IFNGR1: variants seen among roughly 807,000 people sequenced by gnomAD.
IFNGR1 encodes AVP, type 2.
In IFNGR1, 23 loss-of-function variants were observed where a neutral mutation model predicts 35.4. The observed-to-expected ratio is 0.65, with a 90% CI of 0.47 to 0.92. IFNGR1 has a LOEUF of 0.92. IFNGR1 is among the 40% of genes least tolerant of loss of function. IFNGR1 has a pLI of 0.00. For synonymous variants in IFNGR1, 199 were observed against 209.5 expected (o/e 0.95, Z 0.43); for missense variants, 533 against 583.4 (o/e 0.91, Z 0.89).
chr6:137,204,604 T>C, intron 3 of IFNGR1, 100 bp from the exon 4 acceptor site: 1 of 979,350 alleles, frequency 1.0e-6, no homozygotes, highest in Non-Finnish European at 1.6e-6. Flanking sequence ...CTATTGTTTT[T>C]GTTCTGGTTG....
chr6:137,204,061 A>T (rs1311705933), intron 4 of IFNGR1, among the ~76,000 whole-genome samples: 1 of 152,158 alleles, frequency 6.6e-6, no homozygotes, highest in Non-Finnish European at 1.5e-5. Context: ...TTACCAGTGG[A>T]GCAATGGAGG....
chr6:137,208,749 C>A (rs1462569713), intron 1 of IFNGR1, among the ~76,000 whole-genome samples: 1 of 152,232 alleles, frequency 6.6e-6, no homozygotes, highest in African/African-American at 2.4e-5. Context: ...TCATGGAGAA[C>A]CTCTGCTAGG....
At chr6:137,206,008 C>T (rs1002384266) in intron 3 of IFNGR1, 128 bp downstream of exon 3, 9 of 805,524 alleles carry the variant, frequency 1.1e-5, no homozygotes, top group Admixed American at 2.1e-5. Context: ...TGTACTGACT[C>T]TAAATTCCTC....
rs192200021 is a variant in IFNGR1, at chr6:137,203,874, T to C, written c.547-189A>G. On this transcript the variant is annotated intron_variant, in intron 4 of 6. Transcript: ENST00000367739. ...ACACAGCACGATACTATGCATCTGT[T>C]ATATTCCTTATAAAAATGGTAAATT... 8 of 605,782 alleles carry C rather than the reference T, an allele frequency of 1.3e-5. No homozygotes were observed. The Admixed American group carries it at 2.4e-4, about 18-fold the overall frequency. 37.5% of individuals were successfully genotyped at this position (605,782 alleles called of 1,614,324 possible). A position where few individuals can be genotyped will look rare whatever the true frequency, so the allele number is the denominator to read the frequency against.
intron 1 of IFNGR1, among the ~76,000 whole-genome samples, chr6:137,211,935 G>A (rs746501641): frequency 1.1e-4 from 16 of 152,100 alleles, no homozygotes; most frequent in Non-Finnish European, 1.5e-4. Context: ...GCCTTCCTTC[G>A]GAGACCATTT....
At chr6:137,219,037 G>T (rs1415485221) in intron 1 of IFNGR1, 1 of 613,948 alleles carries the variant, frequency 1.6e-6, no homozygotes, top group East Asian at 2.8e-5. Context: ...CAGGGAAGAG[G>T]CAGGAGAAAG....
chr6:137,217,466 C>T (rs948546894), intron 1 of IFNGR1, among the ~76,000 whole-genome samples: 2 of 152,196 alleles, frequency 1.3e-5, no homozygotes, highest in African/African-American at 4.8e-5. Flanking sequence ...CCTTCCCATG[C>T]AAGCTGGCAC....
At position 137,200,911 on chromosome 6, in the gene IFNGR1, C is replaced by A. The variant is rs775390708; in HGVS notation, c.831G>T (p.Lys277Asn). The change falls in exon 6 of 7, where the codon AAG becomes AAT. Residue 277 changes from lysine (K) to asparagine (N), a missense_variant. Physicochemically the swap from Lys to Asn is moderately conservative, Grantham distance 94. Transcript: ENST00000367739. ...CFYIKKINPL[K>N]EKSIILPKSL... The stretch of plus-strand genomic sequence containing the variant: ...ACTTGGGTAATATTATGCTTTTTTC[C>A]TTCAATGGATTAATTTTCTTAATAT... 1 of 1,602,800 alleles carries A rather than the reference C, an allele frequency of 6.2e-7. No individual in the cohort carries two copies. Among genetic ancestry groups the A allele is most frequent in the Admixed American group, 1.7e-5 (1 of 59,496 alleles).
At position 137,197,850 on chromosome 6, in the gene IFNGR1, A is replaced by G; in HGVS notation, c.*181T>C. On this transcript the variant is annotated 3_prime_UTR_variant, in exon 7 of 7. Coordinates refer to ENST00000367739, the MANE Select transcript of IFNGR1 (RefSeq NM_000416.3). ...TGTTTAAAAAAAAAAAAAAGTCTGT[A>G]CTTTACAAGCCAAAAGTGAAAATGC... 2.8e-6 allele frequency: 2 copies of G among 711,652 alleles called. No individual in the cohort carries two copies. The highest frequency in any genetic ancestry group is 2.9e-5 in the East Asian group (1 of 34,386). The allele number at this position is 711,652 out of a possible 1,614,324, so 44.1% of individuals were successfully genotyped here.
chr6:137,204,289 A>G, intron 4 of IFNGR1, 43 bp downstream of exon 4: 1 of 1,532,546 alleles, frequency 6.5e-7, no homozygotes, highest in East Asian at 2.2e-5. Context: ...AACTTTTGCT[A>G]GCTACACAAG....
intron 1 of IFNGR1, among the ~76,000 whole-genome samples, chr6:137,213,262 C>T (rs1203210540): frequency 1.3e-5 from 2 of 152,136 alleles, no homozygotes; most frequent in Non-Finnish European, 2.9e-5. Flanking sequence ...AGAGTGATTT[C>T]ATGAAATAAG....
At chr6:137,204,627 AC>A in intron 3 of IFNGR1, 123 bp from the exon 4 acceptor site, 1 of 821,290 alleles carries the variant, frequency 1.2e-6, no homozygotes, top group Non-Finnish European at 2.0e-6. Context: ...CTAAAGCAGG[AC>A]CACATTTAAA....
chr6:137,215,826 C>G (rs541817236), intron 1 of IFNGR1, among the ~76,000 whole-genome samples: 1 of 152,274 alleles, frequency 6.6e-6, no homozygotes, highest in South Asian at 2.1e-4. Flanking sequence ...ATCCTCCTAC[C>G]TCAGCCTCCC....
chr6:137,215,266 C>G (rs1198597608), intron 1 of IFNGR1: 2 of 1,547,472 alleles, frequency 1.3e-6, no homozygotes, highest in East Asian at 4.9e-5. Context: ...GGGTAAATTA[C>G]CTCCATATTT....
chr6:137,198,755 T>C, intron 6 of IFNGR1, 116 bp from the exon 7 acceptor site: 1 of 749,036 alleles, frequency 1.3e-6, no homozygotes, highest in South Asian at 1.6e-5. Context: ...GGATAATGGG[T>C]GAATCAGATG....
At chr6:137,201,694 A>C (rs945945423) in intron 5 of IFNGR1, among the ~76,000 whole-genome samples, 4 of 151,928 alleles carry the variant, frequency 2.6e-5, no homozygotes, top group African/African-American at 9.7e-5. Flanking sequence ...AACAACAAAA[A>C]AAAAAAGAAA....
At position 137,198,097 on chromosome 6, in the gene IFNGR1, C is replaced by T. The variant is rs1319866771; in HGVS notation, c.1404G>A (p.Val468=). ...TCAAGGACTCTTTACCGCTATCATC[C>T]ACAAGTAGATCCACTAGCACATGTG... ...DKPHVLVDLL[V]DDSGKESLIG... is the part of the protein sequence containing the mutation. Residue 468 remains valine, a synonymous_variant, in exon 7 of 7, where the codon GTG becomes GTA. Coordinates refer to ENST00000367739, the MANE Select transcript of IFNGR1 (RefSeq NM_000416.3). The T allele has an allele frequency of 6.2e-7, 1 of 1,614,118 alleles. No homozygotes were observed. The highest frequency in any genetic ancestry group is 8.5e-7 in the Non-Finnish European group (1 of 1,180,016).
intron 2 of IFNGR1, 200 bp from the exon 3 acceptor site, chr6:137,206,508 G>T: frequency 3.7e-6 from 2 of 543,884 alleles, no homozygotes; most frequent in Non-Finnish European, 6.5e-6. Flanking sequence ...CAGTAAAGAG[G>T]CTCAATTCAA....
Position 137,203,596 on chromosome 6 carries a change from C to A in IFNGR1, c.636G>T (p.Gln212His). ...LAIPVSSLNS[Q>H]YCVSAEGVLH... ...AGACTCCTTCTGCTGAAACACAGTA[C>A]TGAGAATTCAGTGAGGATACTGGAA... Residue 212 changes from glutamine to histidine, a missense_variant, in exon 5 of 7, where the codon CAG becomes CAT. Gln to His is a conservative substitution (Grantham distance 24). Coordinates refer to ENST00000367739, the MANE Select transcript of IFNGR1 (RefSeq NM_000416.3). The A allele has an allele frequency of 1.9e-6, 3 of 1,613,450 alleles. No homozygotes were observed. The highest frequency in any genetic ancestry group is 2.5e-6 in the Non-Finnish European group (3 of 1,179,450).
Sources: allele counts gnomAD v4.1 joint callset (sites outside exome capture counted in the v4.1 genomes callset), GRCh38; gene constraint gnomAD v4.1.1; transcripts MANE v1.5; gene names NCBI Gene and HGNC (gene_info 2026-07-23, HGNC 2026-07-21).